TTC29: variants seen among roughly 807,000 people sequenced by gnomAD.
TTC29 encodes the protein tetratricopeptide repeat protein 29.
A neutral mutation model predicts 58.1 loss-of-function variants in TTC29; 49 were observed. The ratio of observed to expected loss-of-function variants is 0.84; its 90% CI spans 0.67 to 1.07. The LOEUF (loss-of-function observed/expected upper bound fraction) is 1.07. TTC29 is among the 50% of genes least tolerant of loss of function. The pLI, the probability that TTC29 is intolerant of heterozygous loss-of-function variation, is 0.00. For synonymous variants in TTC29, 209 were observed against 196.8 expected (o/e 1.06, Z -0.52); for missense variants, 582 against 555.6 (o/e 1.05, Z -0.48).
chr4:146,842,607 C>T (rs974932070), intron 8 of TTC29, among the ~76,000 whole-genome samples: 2 of 152,094 alleles, frequency 1.3e-5, no homozygotes, highest in Non-Finnish European at 2.9e-5. Context: ...TAAAGAGCAT[C>T]AAACAGATTT....
Position 146,764,104 on chromosome 4 carries a change from G to A in TTC29, c.1330+39353C>T, listed in dbSNP as rs779283199. ...AAAAGCATCTCTTAAACCACTTTTT[G>A]AAAGTTTAACATATGGATTTGAAAT... On this transcript the variant is annotated intron_variant, in intron 11 of 12. Transcript: ENST00000325106. 3.9e-5 allele frequency: 6 copies of A among 152,140 alleles called. No individual in the cohort carries two copies. The South Asian group carries it at 1.2e-3, about 32-fold the overall frequency. The allele number at this position is 152,140 out of a possible 1,614,324, so 9.4% of individuals were successfully genotyped here. A position where few individuals can be genotyped will look rare whatever the true frequency, so the allele number is the denominator to read the frequency against.
chr4:146,926,099 A>C (rs1734911492), intron 4 of TTC29, among the ~76,000 whole-genome samples: 1 of 152,192 alleles, frequency 6.6e-6, no homozygotes, highest in Admixed American at 6.5e-5. Flanking sequence ...ACCTGTTACT[A>C]TCTTGTTTGA....
chr4:146,836,228 G>A (rs1428808409), intron 8 of TTC29, among the ~76,000 whole-genome samples: 1 of 152,146 alleles, frequency 6.6e-6, no homozygotes, highest in Non-Finnish European at 1.5e-5. Flanking sequence ...CTCCTGGTAG[G>A]AGTGTCCCTC....
Position 146,874,954 on chromosome 4 carries a change from T to A in TTC29, c.587-26A>T, listed in dbSNP as rs1300991077. The stretch of plus-strand genomic sequence containing the variant: ...CTGGAGAATAAAAGCCATTCATAAG[T>A]ATAAACCAGAGGACGGAACGTATTT... On this transcript the variant is annotated intron_variant, in intron 6 of 12. Coordinates refer to ENST00000325106, the MANE Select transcript of TTC29 (RefSeq NM_031956.4). The A allele has an allele frequency of 4.4e-6, 7 of 1,591,830 alleles. No individual in the cohort carries two copies. In the Admixed American group the frequency reaches 1.0e-4, roughly 23 times the overall value.
At chr4:146,714,438 T>C (rs1579505780) in intron 11 of TTC29, among the ~76,000 whole-genome samples, 1 of 152,190 alleles carries the variant, frequency 6.6e-6, no homozygotes, top group African/African-American at 2.4e-5. Flanking sequence ...AGCAGCCTAA[T>C]AGACATTTAC....
At chr4:146,890,692 G>A (rs573557703) in intron 6 of TTC29, among the ~76,000 whole-genome samples, 299 of 152,316 alleles carry the variant, frequency 2.0e-3, no homozygotes, top group Non-Finnish European at 3.6e-3. Flanking sequence ...CCAGATGGCT[G>A]AATATTCCCC....
chr4:146,721,716 T>C (rs1417183527), intron 11 of TTC29, among the ~76,000 whole-genome samples: 1 of 152,112 alleles, frequency 6.6e-6, no homozygotes, highest in Admixed American at 6.6e-5. Flanking sequence ...AGCTGTGGGT[T>C]TGAAACGCCA....
chr4:146,738,543 C>A (rs985832441), intron 11 of TTC29, among the ~76,000 whole-genome samples: 1 of 152,016 alleles, frequency 6.6e-6, no homozygotes, highest in African/African-American at 2.4e-5. Context: ...GGTTGAAAAC[C>A]AGAGGTGTCC....
At chr4:146,811,755 A>C (rs1751039915) in intron 10 of TTC29, among the ~76,000 whole-genome samples, 1 of 152,230 alleles carries the variant, frequency 6.6e-6, no homozygotes, top group African/African-American at 2.4e-5. Context: ...AGATCGGTCA[A>C]ACTGACTGAA....
At position 146,867,626 on chromosome 4, in the gene TTC29, G is replaced by T. The variant is rs370260572; in HGVS notation, c.800-43C>A. The T allele has an allele frequency of 5.6e-5, 52 of 921,584 alleles. No homozygotes were observed. In the African/African-American group the frequency reaches 7.8e-4, roughly 14 times the overall value. The allele number at this position is 921,584 out of a possible 1,614,324, so 57.1% of individuals were successfully genotyped here. ...AAAAATTACCAAGTATTCAATAAAT[G>T]ATTTATTACAACAAACAGAATCCTT... is the stretch of plus-strand genomic sequence containing the variant. On this transcript the variant is annotated intron_variant, in intron 7 of 12. Coordinates refer to ENST00000325106, the MANE Select transcript of TTC29 (RefSeq NM_031956.4).
chr4:146,903,239 T>A (rs1418125197), intron 6 of TTC29, among the ~76,000 whole-genome samples: 1 of 152,128 alleles, frequency 6.6e-6, no homozygotes, highest in Non-Finnish European at 1.5e-5. Context: ...ATACCTTTCA[T>A]TCTTTTCATC....
At chr4:146,728,359 G>A (rs71616506) in intron 11 of TTC29, among the ~76,000 whole-genome samples, 473 of 151,372 alleles carry the variant, frequency 3.1e-3, no homozygotes, top group Non-Finnish European at 4.3e-3. Context: ...GTGTTCTGTT[G>A]AACATCTAAG....
At chr4:146,760,227 C>T (rs989874625) in intron 11 of TTC29, among the ~76,000 whole-genome samples, 5 of 152,020 alleles carry the variant, frequency 3.3e-5, no homozygotes, top group South Asian at 2.1e-4. Context: ...ATATACCTAA[C>T]CAAGGAGTTG....
chr4:146,827,713 A>C (rs1195466755), intron 9 of TTC29, among the ~76,000 whole-genome samples: 1 of 152,204 alleles, frequency 6.6e-6, no homozygotes, highest in Non-Finnish European at 1.5e-5. Context: ...ATAGCTTGGC[A>C]TGTAGTAGGG....
At chr4:146,736,208 G>T (rs1173326037) in intron 11 of TTC29, among the ~76,000 whole-genome samples, 6 of 151,810 alleles carry the variant, frequency 4.0e-5, no homozygotes, top group Admixed American at 2.0e-4. Flanking sequence ...GAGTTCTTTG[G>T]CTCAACCTTT....
chr4:146,832,475 C>T (rs1303685280), intron 9 of TTC29, among the ~76,000 whole-genome samples: 2 of 152,016 alleles, frequency 1.3e-5, no homozygotes, highest in Non-Finnish European at 2.9e-5. Context: ...AACACCCATA[C>T]TCTCCTTCTT....
At chr4:146,865,570 G>A (rs990428219) in intron 8 of TTC29, among the ~76,000 whole-genome samples, 3 of 152,078 alleles carry the variant, frequency 2.0e-5, no homozygotes, top group Non-Finnish European at 4.4e-5. Context: ...CTCACTATCT[G>A]GGTGACAGGA....
rs141228117 is a variant in TTC29 at position 146,709,362 on chromosome 4, T to C, written c.1331-1811A>G. Among the ~76,000 whole-genome samples the C allele has an allele frequency of 8.6e-3, 1,312 of 152,290 alleles. 5 individuals are homozygous for C. The highest frequency in any genetic ancestry group is 0.027 in the Middle Eastern group (8 of 294). On this transcript the variant is annotated intron_variant, in intron 11 of 12. Transcript: ENST00000325106. Reference sequence around the variant, plus strand: ...GGTATCCTGACCCCAGCAATTCTTCTACTTCATTGGAACCTCCAATTCTAC... The same window carrying C: ...GGTATCCTGACCCCAGCAATTCTTCCACTTCATTGGAACCTCCAATTCTAC...
chr4:146,779,015 A>AAAAAG (rs1748363268), intron 11 of TTC29, among the ~76,000 whole-genome samples: 1 of 149,068 alleles, frequency 6.7e-6, no homozygotes, highest in Non-Finnish European at 1.5e-5. Context: ...AAAAGAAAAG[A>AAAAAG]AAAAGAAATG....
Sources: allele counts gnomAD v4.1 joint callset (sites outside exome capture counted in the v4.1 genomes callset), GRCh38; gene constraint gnomAD v4.1.1; transcripts MANE v1.5; gene names NCBI Gene and HGNC (gene_info 2026-07-23, HGNC 2026-07-21).